Variants in STK3 observed in about 807,000 individuals in gnomAD.
STK3 encodes the protein serine/threonine kinase 3.
In STK3, 41 loss-of-function variants were observed where a neutral mutation model predicts 58.0. That is an observed-to-expected ratio of 0.71 (90% confidence interval 0.55 to 0.92). The LOEUF (loss-of-function observed/expected upper bound fraction) is 0.92, where lower values mean the gene tolerates loss of function less well. Ranked by LOEUF, STK3 falls within the 40% of genes least tolerant of loss-of-function variation. The pLI is 0.00. For synonymous variants in STK3, 170 were observed against 191.0 expected, an observed-to-expected ratio of 0.89 and a Z score of 0.91; for missense variants, 479 against 602.7, an observed-to-expected ratio of 0.79 and a Z score of 2.15.
chr8:98,390,201 G>A (rs1327629666), upstream of STK3, among the ~76,000 whole-genome samples: 1 of 152,126 alleles, frequency 6.6e-6, no homozygotes, highest in Non-Finnish European at 1.5e-5. Flanking sequence ...TTCTTTTTGA[G>A]CATGTCCACT....
At chr8:98,860,063 G>T (rs1425374440) in intron 3 of STK3, among the ~76,000 whole-genome samples, 1 of 152,182 alleles carries the variant, frequency 6.6e-6, no homozygotes, top group Admixed American at 6.5e-5. Flanking sequence ...AACATGTATT[G>T]AGTACCACTA....
chr8:98,522,512 G>A (rs191162545), intron 10 of STK3, among the ~76,000 whole-genome samples: 22 of 152,148 alleles, frequency 1.4e-4, no homozygotes, highest in Middle Eastern at 3.4e-3. Flanking sequence ...CAGTGACACT[G>A]TGCAAATTCT....
chr8:98,719,145 C>G (rs1194581670), intron 4 of STK3, among the ~76,000 whole-genome samples: 1 of 152,162 alleles, frequency 6.6e-6, no homozygotes, highest in Non-Finnish European at 1.5e-5. Context: ...TAATGGACCA[C>G]TACAGACGGT....
intron 3 of STK3, among the ~76,000 whole-genome samples, chr8:98,750,603 A>C (rs1829912486): frequency 6.6e-6 from 1 of 151,980 alleles, no homozygotes; most frequent in South Asian, 2.1e-4. Flanking sequence ...GGCAGTAATA[A>C]ACAGCCTACC....
At chr8:98,755,633 G>A (rs34366206) in intron 3 of STK3, among the ~76,000 whole-genome samples, 39,251 of 152,034 alleles carry the variant, frequency 0.26, 6,106 homozygotes, top group East Asian at 0.44. Context: ...AGAAAGAAAT[G>A]CTTAAACTCC....
At chr8:98,434,586 C>G (rs1360694248) in intron 2 of STK3, among the ~76,000 whole-genome samples, 1 of 152,218 alleles carries the variant, frequency 6.6e-6, no homozygotes, top group Non-Finnish European at 1.5e-5. Context: ...ATAGCACCAT[C>G]CTCCTGGGTA....
At chr8:98,488,434 G>C (rs930381838) in intron 10 of STK3, among the ~76,000 whole-genome samples, 1 of 152,128 alleles carries the variant, frequency 6.6e-6, no homozygotes, top group Non-Finnish European at 1.5e-5. Flanking sequence ...ATTCTCCCTA[G>C]TGGTAACAAA....
At chr8:98,555,355 A>C (rs1811512185) in intron 8 of STK3, among the ~76,000 whole-genome samples, 1 of 152,144 alleles carries the variant, frequency 6.6e-6, no homozygotes, top group Admixed American at 6.6e-5. Context: ...CAAAAGACAA[A>C]TACTTTAGAA....
At chr8:98,586,220 A>G (rs1245872279) in intron 7 of STK3, among the ~76,000 whole-genome samples, 1 of 151,662 alleles carries the variant, frequency 6.6e-6, no homozygotes, top group Non-Finnish European at 1.5e-5. Context: ...TCAGTATGAT[A>G]TTGGCTGTGG....
intron 10 of STK3, among the ~76,000 whole-genome samples, chr8:98,525,249 A>G (rs547381093): frequency 1.6e-4 from 24 of 152,310 alleles, no homozygotes; most frequent in Admixed American, 1.4e-3. Context: ...AGTGCGGAAT[A>G]ATAGACTATG....
At chr8:98,918,876 C>T (rs919793172) in intron 1 of STK3, among the ~76,000 whole-genome samples, 1 of 151,942 alleles carries the variant, frequency 6.6e-6, no homozygotes, top group Non-Finnish European at 1.5e-5. Flanking sequence ...ATTTGACAAT[C>T]AGAACATGAA....
chr8:98,627,734 T>C (rs996385807), intron 6 of STK3, among the ~76,000 whole-genome samples: 1 of 152,162 alleles, frequency 6.6e-6, no homozygotes, highest in African/African-American at 2.4e-5. Context: ...TATTTATTTA[T>C]AGCAATGCAA....
intron 1 of STK3, among the ~76,000 whole-genome samples, chr8:98,886,769 G>T (rs1838006518): frequency 1.3e-5 from 2 of 152,092 alleles, no homozygotes; most frequent in African/African-American, 4.8e-5. Context: ...TGGAGTACTT[G>T]CATATAACCT....
chr8:98,703,371 T>C (rs1825748336), intron 6 of STK3, among the ~76,000 whole-genome samples: 1 of 152,154 alleles, frequency 6.6e-6, no homozygotes, highest in Non-Finnish European at 1.5e-5. Flanking sequence ...GAGGATAAAA[T>C]ATTTATTTCA....
chr8:98,381,884 C>T (rs955560855), intron 1 of STK3, among the ~76,000 whole-genome samples: 1 of 152,180 alleles, frequency 6.6e-6, no homozygotes, highest in Non-Finnish European at 1.5e-5. Flanking sequence ...TGGATCCTAC[C>T]TTTATTTCAA....
At chr8:98,806,808 A>T (rs1833909059) in intron 1 of STK3, among the ~76,000 whole-genome samples, 1 of 152,120 alleles carries the variant, frequency 6.6e-6, no homozygotes, top group Admixed American at 6.5e-5. Flanking sequence ...ACCAAATGTG[A>T]ACTGGAAAAA....
intron 8 of STK3, among the ~76,000 whole-genome samples, chr8:98,563,166 G>GTAAC (rs1226334361): frequency 6.6e-6 from 1 of 152,102 alleles, no homozygotes; most frequent in East Asian, 1.9e-4. Context: ...CATAAGCAGT[G>GTAAC]TAACTGATAA....
At chr8:98,398,168 G>A (rs1387436024), downstream of STK3, among the ~76,000 whole-genome samples, 1 of 152,132 alleles carries the variant, frequency 6.6e-6, no homozygotes, top group East Asian at 1.9e-4. Flanking sequence ...AACTGAGCAG[G>A]AAAACTTTCA....
chr8:98,870,051 G>A (rs556149216), intron 3 of STK3, among the ~76,000 whole-genome samples: 139 of 152,116 alleles, frequency 9.1e-4, no homozygotes, highest in South Asian at 2.3e-3. Context: ...GTGTCCAAGT[G>A]TTCTCATTGT....
Sources: allele counts gnomAD v4.1 joint callset (sites outside exome capture counted in the v4.1 genomes callset), GRCh38; gene constraint gnomAD v4.1.1; transcripts MANE v1.5; gene names NCBI Gene and HGNC (gene_info 2026-07-23, HGNC 2026-07-21).